Variants in TSPAN9 observed in about 807,000 individuals in gnomAD.
TSPAN9 encodes the protein tetraspanin-9.
A neutral mutation model predicts 31.0 loss-of-function variants in TSPAN9; 16 were observed. The observed-to-expected ratio is 0.52, with a 90% CI of 0.35 to 0.78. The LOEUF is 0.78. Ranked by LOEUF, TSPAN9 falls within the 30% of genes least tolerant of loss-of-function variation. TSPAN9 has a pLI of 0.01. For missense variants in TSPAN9, 272 were observed against 312.5 expected, an observed-to-expected ratio of 0.87 and a Z score of 0.98; for synonymous variants, 145 against 121.6, an observed-to-expected ratio of 1.19 and a Z score of -1.27.
rs183633672 is a variant in TSPAN9, at chr12:3,100,241, C to T, written c.-18+16522C>T. Among the ~76,000 whole-genome samples the T allele has an allele frequency of 1.4e-3, 217 of 152,304 alleles. 3 individuals are homozygous for T. Among genetic ancestry groups the T allele is most frequent in the Middle Eastern group, 6.8e-3 (2 of 294 alleles). On this transcript the variant is annotated intron_variant, in intron 2 of 8. Transcript: ENST00000011898. ...CCTGTTGCTTTCCAGTGGTTCTTTT[C>T]TCAGTCTTGTGGATTTCACCCCACT...
chr12:3,206,104 G>A (rs1328889090), intron 3 of TSPAN9, among the ~76,000 whole-genome samples: 1 of 152,196 alleles, frequency 6.6e-6, no homozygotes, highest in African/African-American at 2.4e-5. Flanking sequence ...CCTGTGAAGA[G>A]CACAGAAAAC....
intron 5 of TSPAN9, among the ~76,000 whole-genome samples, chr12:3,279,786 C>T (rs1045191051): frequency 2.6e-5 from 4 of 152,202 alleles, no homozygotes; most frequent in East Asian, 1.9e-4. Context: ...GTTTTGCACT[C>T]GTGAAAAGGA....
chr12:3,130,775 G>T (rs1206691033), intron 2 of TSPAN9, among the ~76,000 whole-genome samples: 1 of 152,150 alleles, frequency 6.6e-6, no homozygotes, highest in Non-Finnish European at 1.5e-5. Context: ...CTAAAAATGT[G>T]AGTTACTTCT....
intron 2 of TSPAN9, among the ~76,000 whole-genome samples, chr12:3,191,265 T>C (rs2098364266): frequency 7.0e-6 from 1 of 142,280 alleles, no homozygotes; most frequent in Admixed American, 7.3e-5. Flanking sequence ...TCCAGGGTCA[T>C]CTGTGCTCTG....
At chr12:3,250,051 C>T (rs143558846) in intron 3 of TSPAN9, among the ~76,000 whole-genome samples, 8 of 152,266 alleles carry the variant, frequency 5.3e-5, no homozygotes, top group South Asian at 2.1e-4. Flanking sequence ...GTCCACCCAT[C>T]GGGCATGGAT....
intron 3 of TSPAN9, among the ~76,000 whole-genome samples, chr12:3,239,398 A>G (rs2098395428): frequency 6.6e-6 from 1 of 152,170 alleles, no homozygotes; most frequent in African/African-American, 2.4e-5. Context: ...ACCTACACAG[A>G]GGGCAGCACC....
intron 2 of TSPAN9, among the ~76,000 whole-genome samples, chr12:3,104,699 G>T (rs2098313437): frequency 6.6e-6 from 1 of 152,174 alleles, no homozygotes; most frequent in Non-Finnish European, 1.5e-5. Context: ...GCCTGGCTCG[G>T]TGCAGACTCT....
At position 3,186,996 on chromosome 12, in the gene TSPAN9, T is replaced by G. The variant is rs143446537; in HGVS notation, c.-17-14181T>G. 4.8e-3 allele frequency among the ~76,000 whole-genome samples: 729 copies of G among 152,338 alleles called. 3 individuals are homozygous for G. Among genetic ancestry groups the G allele is most frequent in the African/African-American group, 0.017 (690 of 41,570 alleles). On this transcript the variant is annotated intron_variant, in intron 2 of 8. Transcript: ENST00000011898. ...CATTTGCCTGCCAGTAGCTTGAAAT[T>G]GGCTGTGGTGGGAGTACTTACACCA... is the stretch of plus-strand genomic sequence containing the variant.
rs2098365121 is a variant in TSPAN9 at position 3,192,783 on chromosome 12, G to C, written c.-17-8394G>C. 6.6e-6 allele frequency among the ~76,000 whole-genome samples: 1 copy of C among 152,150 alleles called. No homozygotes were observed. The highest frequency in any genetic ancestry group is 1.5e-5 in the Non-Finnish European group (1 of 68,018). On this transcript the variant is annotated intron_variant, in intron 2 of 8. Coordinates refer to ENST00000011898, the MANE Select transcript of TSPAN9 (RefSeq NM_006675.5). This position sits in a 1 kb window ranked among gnomAD's most constrained non-coding sequence, Gnocchi z 4.6. ...GCAGAAGAGAAGAGGGCTCAGAGCTGAGGGCCTCCCTGAGGAGGAGGAGGA... is the reference window on the plus strand; with the variant it reads ...GCAGAAGAGAAGAGGGCTCAGAGCTCAGGGCCTCCCTGAGGAGGAGGAGGA...
intron 2 of TSPAN9, among the ~76,000 whole-genome samples, chr12:3,160,055 C>T (rs1391599033): frequency 6.6e-6 from 1 of 152,098 alleles, no homozygotes; most frequent in African/African-American, 2.4e-5. Flanking sequence ...AAAGAAACCC[C>T]ATACCCACTG....
At chr12:3,182,467 C>CTT (rs559037493) in intron 2 of TSPAN9, among the ~76,000 whole-genome samples, 27 of 146,792 alleles carry the variant, frequency 1.8e-4, no homozygotes, top group African/African-American at 6.5e-4. Flanking sequence ...CTCTTCCTAC[C>CTT]TTTTTTTTTT....
intron 3 of TSPAN9, among the ~76,000 whole-genome samples, chr12:3,237,350 G>A (rs963185577): frequency 2.0e-5 from 3 of 152,106 alleles, no homozygotes; most frequent in Non-Finnish European, 4.4e-5. Flanking sequence ...GCCCACCTAC[G>A]TGAAATGTGA....
At chr12:3,120,752 CA>C (rs2098324695) in intron 2 of TSPAN9, among the ~76,000 whole-genome samples, 1 of 152,112 alleles carries the variant, frequency 6.6e-6, no homozygotes, top group Non-Finnish European at 1.5e-5. Flanking sequence ...TGCCGCTGAT[CA>C]GTCAGTCAGT....
At position 3,218,416 on chromosome 12, in the gene TSPAN9, G is replaced by C. The variant is rs377080114; in HGVS notation, c.63+17160G>C. On this transcript the variant is annotated intron_variant, in intron 3 of 8. Transcript: ENST00000011898. ...GAAACCTCTTACTGAGCTCTCAAAA[G>C]GACTGCCAGGAGGAGACCTTTGGGG... Among the ~76,000 whole-genome samples, 312 of 152,346 alleles carry C rather than the reference G, an allele frequency of 2.0e-3. 1 individual carries two copies. The highest frequency in any genetic ancestry group is 7.1e-3 in the African/African-American group (296 of 41,590).
chr12:3,200,549 C>G (rs976611971), intron 2 of TSPAN9: 1 of 152,448 alleles, frequency 6.6e-6, no homozygotes, highest in Non-Finnish European at 1.5e-5. Flanking sequence ...TCCCGGTGCC[C>G]TTCTCCCTCG....
At chr12:3,268,704 CCG>C (rs1862596233) in intron 3 of TSPAN9, among the ~76,000 whole-genome samples, 14 of 107,108 alleles carry the variant, frequency 1.3e-4, no homozygotes, top group African/African-American at 2.5e-4. Flanking sequence ...AGCCTGCCCT[CCG>C]TGCGTTCCTG....
rs77950449 is a variant in TSPAN9 at position 3,280,018 on chromosome 12, G to T, written c.331-364G>T. On this transcript the variant is annotated intron_variant, in intron 5 of 8. Coordinates refer to ENST00000011898, the MANE Select transcript of TSPAN9 (RefSeq NM_006675.5). This position sits in a 1 kb window ranked among gnomAD's most constrained non-coding sequence, Gnocchi z 4.5. ...GCAGTCTGTGGGGAAGCTGTGTAGT[G>T]GGGGGCGGGGGTGGCAGAGTGGCCT... is the stretch of plus-strand genomic sequence containing the variant. 1.7e-3 allele frequency among the ~76,000 whole-genome samples: 262 copies of T among 152,162 alleles called. No homozygotes were observed. Among genetic ancestry groups the T allele is most frequent in the African/African-American group, 6.0e-3 (248 of 41,518 alleles).
chr12:3,201,009 C>T, intron 2 of TSPAN9, 168 bp from the exon 3 acceptor site: 1 of 614,822 alleles, frequency 1.6e-6, no homozygotes, highest in Non-Finnish European at 2.9e-6. Flanking sequence ...CCGTCCACCT[C>T]CGGCCGCCCG....
chr12:3,161,813 ATCTG>A (rs57792108), intron 2 of TSPAN9, among the ~76,000 whole-genome samples: 4,491 of 128,348 alleles, frequency 0.035, 234 homozygotes, highest in African/African-American at 0.11. Context: ...CTATCTATCT[ATCTG>A]TCTGTCTGTT....
Sources: gnomAD v4.1 joint callset for allele counts (sites outside exome capture counted in the v4.1 genomes callset) on GRCh38, gnomAD v4.1.1 for gene constraint, Gnocchi (gnomAD v3.1) non-coding constraint, MANE v1.5 for transcripts, NCBI Gene and HGNC (gene_info 2026-07-23, HGNC 2026-07-21) for gene names.